The following MARCHF1 variants were observed in gnomAD, a reference collection of about 807,000 sequenced individuals.
MARCHF1 encodes E3 ubiquitin-protein ligase MARCHF1.
A neutral mutation model predicts 54.2 loss-of-function variants in MARCHF1; 40 were observed. The observed-to-expected ratio is 0.74, with a 90% confidence interval of 0.57 to 0.96. The LOEUF (loss-of-function observed/expected upper bound fraction) is 0.96. Ranked by LOEUF, MARCHF1 falls within the 40% of genes least tolerant of loss-of-function variation. MARCHF1 has a pLI of 0.00. For missense variants in MARCHF1, 586 were observed against 656.5 expected (o/e 0.89, Z 1.17); for synonymous variants, 236 against 236.3 (o/e 1.00, Z 0.01).
At chr4:163,645,190 A>T (rs1039115277) in intron 5 of MARCHF1, among the ~76,000 whole-genome samples, 6 of 152,268 alleles carry the variant, frequency 3.9e-5, no homozygotes, top group Admixed American at 2.6e-4. Context: ...TCCTGAAGAT[A>T]GTTCAGTCCA....
intron 5 of MARCHF1, among the ~76,000 whole-genome samples, chr4:163,631,607 C>T (rs574577491): frequency 3.0e-5 from 4 of 133,978 alleles, no homozygotes; most frequent in Admixed American, 2.9e-4. Context: ...CTGCATTTTG[C>T]CTAAGAATAA....
At chr4:163,993,573 T>G (rs1304365308) in intron 2 of MARCHF1, among the ~76,000 whole-genome samples, 2 of 152,168 alleles carry the variant, frequency 1.3e-5, no homozygotes, top group Non-Finnish European at 2.9e-5. Context: ...TTCAGTCTGT[T>G]GGAGAATCAA....
chr4:163,641,173 A>G (rs950137190), intron 5 of MARCHF1, among the ~76,000 whole-genome samples: 1 of 152,144 alleles, frequency 6.6e-6, no homozygotes, highest in Non-Finnish European at 1.5e-5. Flanking sequence ...CTAATTTCTA[A>G]ATAGTGTCTG....
intron 2 of MARCHF1, among the ~76,000 whole-genome samples, chr4:164,034,485 G>A (rs1009794465): frequency 6.6e-6 from 1 of 152,050 alleles, no homozygotes; most frequent in Non-Finnish European, 1.5e-5. Context: ...GTACCCAAAG[G>A]AAAATAAATC....
intron 5 of MARCHF1, among the ~76,000 whole-genome samples, chr4:163,675,700 C>T (rs1743889269): frequency 6.6e-6 from 1 of 152,054 alleles, no homozygotes; most frequent in African/African-American, 2.4e-5. Flanking sequence ...TCCCATCTTA[C>T]TTCATTCCTC....
At chr4:163,757,874 T>G (rs1254933941) in intron 4 of MARCHF1, among the ~76,000 whole-genome samples, 1 of 152,204 alleles carries the variant, frequency 6.6e-6, no homozygotes, top group Non-Finnish European at 1.5e-5. Flanking sequence ...TGTGCTAAGA[T>G]GTCATTCGTT....
At chr4:164,196,928 A>C in intron 1 of MARCHF1, 1 of 1,571,814 alleles carries the variant, frequency 6.4e-7, no homozygotes, top group Admixed American at 1.7e-5. Context: ...ATATGGGTAA[A>C]AACAGTCAAA....
chr4:163,757,522 G>A (rs754742210), intron 4 of MARCHF1, among the ~76,000 whole-genome samples: 7 of 152,104 alleles, frequency 4.6e-5, no homozygotes, highest in African/African-American at 1.7e-4. Context: ...AAGGATGCCT[G>A]TTTAGGGAAA....
At chr4:163,940,240 G>A (rs969786653) in intron 3 of MARCHF1, among the ~76,000 whole-genome samples, 2 of 152,080 alleles carry the variant, frequency 1.3e-5, no homozygotes, top group East Asian at 1.9e-4. Flanking sequence ...ACTTTATGAT[G>A]TTCTATTATA....
chr4:164,230,387 C>T (rs1359176325), intron 1 of MARCHF1, among the ~76,000 whole-genome samples: 2 of 147,504 alleles, frequency 1.4e-5, no homozygotes, highest in Non-Finnish European at 3.0e-5. Flanking sequence ...GAGAGCAAAA[C>T]TCCATCTCAA....
chr4:163,910,032 G>A (rs1751156390), intron 3 of MARCHF1, among the ~76,000 whole-genome samples: 1 of 152,076 alleles, frequency 6.6e-6, no homozygotes, highest in East Asian at 1.9e-4. Context: ...ATCTCACCTA[G>A]GACATTGGTT....
At chr4:163,812,727 CA>C (rs1280273283) in intron 4 of MARCHF1, among the ~76,000 whole-genome samples, 2 of 152,114 alleles carry the variant, frequency 1.3e-5, no homozygotes, top group Non-Finnish European at 2.9e-5. Context: ...CACTACACTC[CA>C]GCCTGGGAGA....
rs184559720 is a variant in MARCHF1, at chr4:163,798,593, A to C, written c.111+55428T>G. ...AAGTTCATCCCCAAGTCATAGTTAC[A>C]CTCAAGATAGAGCATTCTGGGAAAG... On this transcript the variant is annotated intron_variant, in intron 4 of 9. Transcript: ENST00000514618. Among the ~76,000 whole-genome samples, 5 of 152,238 alleles carry C rather than the reference A, an allele frequency of 3.3e-5. No homozygotes were observed. In the East Asian group the frequency reaches 9.7e-4, roughly 29 times the overall value.
rs1050896222 is a variant in MARCHF1, at chr4:163,828,430, T to C, written c.111+25591A>G. On this transcript the variant is annotated intron_variant, in intron 4 of 9. Coordinates refer to ENST00000514618, the MANE Select transcript of MARCHF1 (RefSeq NM_001394959.1). The stretch of plus-strand genomic sequence containing the variant: ...TTGTTCTGTGATTATCTTTCTTATA[T>C]GCACAAGACTTCTAAATAATGTAGC... Among the ~76,000 whole-genome samples, 5 of 152,158 alleles carry C rather than the reference T, an allele frequency of 3.3e-5. No homozygotes were observed. The East Asian group carries it at 5.8e-4, about 18-fold the overall frequency.
chr4:164,273,055 T>G (rs993467683), intron 1 of MARCHF1, among the ~76,000 whole-genome samples: 5 of 143,812 alleles, frequency 3.5e-5, no homozygotes, highest in East Asian at 2.0e-4. Flanking sequence ...AGTAAGATAA[T>G]TTTTTTTTTT....
chr4:163,757,565 AT>A (rs928978696), intron 4 of MARCHF1, among the ~76,000 whole-genome samples: 2 of 152,134 alleles, frequency 1.3e-5, no homozygotes, highest in Non-Finnish European at 2.9e-5. Context: ...AAGATAAGTA[AT>A]TTTTTTGTTT....
chr4:164,338,117 TA>T, intron 1 of MARCHF1, among the ~76,000 whole-genome samples: 1 of 152,318 alleles, frequency 6.6e-6, no homozygotes, highest in East Asian at 1.9e-4. Context: ...TTAAAAAATC[TA>T]AACTGAGGAA....
At chr4:163,957,547 G>A (rs1198240908) in intron 3 of MARCHF1, among the ~76,000 whole-genome samples, 1 of 151,970 alleles carries the variant, frequency 6.6e-6, no homozygotes, top group African/African-American at 2.4e-5. Context: ...GAAGGGAAGT[G>A]AGATATCAAA....
rs189124451 is a variant in MARCHF1 at position 163,759,713 on chromosome 4, T to G, written c.112-58850A>C. Among the ~76,000 whole-genome samples the G allele has an allele frequency of 2.2e-4, 33 of 152,300 alleles. 1 individual carries two copies. The East Asian group carries it at 5.4e-3, about 25-fold the overall frequency. ...CACATGTTAATTTATTTTTTCTTCT[T>G]TTTTAAAAGACTTTTTTCTTTTATA... On this transcript the variant is annotated intron_variant, in intron 4 of 9. Transcript: ENST00000514618.
Sources: gnomAD v4.1 joint callset for allele counts (sites outside exome capture counted in the v4.1 genomes callset) on GRCh38, gnomAD v4.1.1 for gene constraint, MANE v1.5 for transcripts, NCBI Gene and HGNC (gene_info 2026-07-23, HGNC 2026-07-21) for gene names.